Variants in RBMS2 observed in about 807,000 individuals in gnomAD.
RBMS2 encodes RNA-binding motif, single-stranded-interacting protein 2.
Under a neutral mutation model 58.4 loss-of-function variants are expected in RBMS2, and 38 were observed. The observed-to-expected ratio is 0.65, with a 90% CI of 0.50 to 0.85. RBMS2 has a LOEUF of 0.85. Ranked by LOEUF, RBMS2 falls within the 40% of genes least tolerant of loss-of-function variation. The probability of loss-of-function intolerance (pLI) is 0.00; values close to 1 mark genes in which losing one functional copy is unlikely to be tolerated. For missense variants in RBMS2, 367 were observed against 503.7 expected (o/e 0.73, Z 2.60); for synonymous variants, 151 against 180.7 (o/e 0.84, Z 1.32).
chr12:56,544,081 G>C (rs1876680540), intron 1 of RBMS2, among the ~76,000 whole-genome samples: 1 of 150,996 alleles, frequency 6.6e-6, no homozygotes, highest in African/African-American at 2.4e-5. Context: ...TTCGAGACCA[G>C]CCTGACCAAC....
intron 1 of RBMS2, among the ~76,000 whole-genome samples, chr12:56,538,190 G>A (rs1000073017): frequency 6.6e-6 from 1 of 151,586 alleles, no homozygotes; most frequent in African/African-American, 2.4e-5. Context: ...GCACCACCAT[G>A]CCCAGCTAAT....
chr12:56,521,493 T>A, upstream of RBMS2, among the ~76,000 whole-genome samples: 1 of 135,566 alleles, frequency 7.4e-6, no homozygotes, highest in African/African-American at 2.7e-5. Flanking sequence ...TCTCACACAC[T>A]CTAACTCTGT....
chr12:56,579,509 TGTA>T (rs905185937), intron 5 of RBMS2, among the ~76,000 whole-genome samples: 3 of 151,786 alleles, frequency 2.0e-5, no homozygotes, highest in African/African-American at 7.3e-5. Flanking sequence ...GGCGGGCACC[TGTA>T]GTCCCAGCTT....
chr12:56,535,548 C>T (rs760906252), intron 1 of RBMS2, among the ~76,000 whole-genome samples: 3 of 151,880 alleles, frequency 2.0e-5, no homozygotes, highest in Admixed American at 6.6e-5. Context: ...GAATAGCACC[C>T]GTATGACGGA....
Position 56,569,921 on chromosome 12 carries a change from C to T in RBMS2, c.315C>T (p.Asp105=), listed in dbSNP as rs1198828794. The T allele has an allele frequency of 6.2e-7, 1 of 1,613,750 alleles. No homozygotes were observed. Residue 105 remains aspartate, a synonymous_variant, in exon 4 of 14, where the codon GAC becomes GAT. Transcript: ENST00000262031. ...KCKGYGFVDF[D]SPSAAQKAVT... ...CAGGCTATGGCTTTGTAGATTTTGA[C>T]AGCCCTTCAGCAGCACAGAAAGCTG...
intron 1 of RBMS2, among the ~76,000 whole-genome samples, chr12:56,538,791 A>C (rs1875503529): frequency 6.6e-6 from 1 of 152,124 alleles, no homozygotes; most frequent in East Asian, 1.9e-4. Context: ...TGATATCTTA[A>C]CAATGTTAAT....
chr12:56,578,321 G>A (rs1046502877), intron 5 of RBMS2, among the ~76,000 whole-genome samples: 2 of 151,870 alleles, frequency 1.3e-5, no homozygotes, highest in Admixed American at 6.6e-5. Context: ...TAGAGACAGG[G>A]TTTCACCCAG....
intron 1 of RBMS2, among the ~76,000 whole-genome samples, chr12:56,544,174 G>T (rs529139729): frequency 3.9e-5 from 6 of 152,136 alleles, no homozygotes; most frequent in African/African-American, 1.4e-4. Context: ...TACTCAGGAG[G>T]CTGAGGCAGG....
chr12:56,547,085 C>T (rs1156787503), intron 1 of RBMS2, among the ~76,000 whole-genome samples: 2 of 152,050 alleles, frequency 1.3e-5, no homozygotes, highest in East Asian at 3.9e-4. Flanking sequence ...TGCGGTGGCT[C>T]ACACCTGTAA....
At chr12:56,556,376 CTT>C (rs778701977) in intron 1 of RBMS2, among the ~76,000 whole-genome samples, 48 of 139,972 alleles carry the variant, frequency 3.4e-4, no homozygotes, top group Admixed American at 6.5e-4. Flanking sequence ...TGTCTTTTAG[CTT>C]TTTTTTTTTT....
At chr12:56,559,669 G>A (rs1301615132) in intron 1 of RBMS2, among the ~76,000 whole-genome samples, 3 of 148,730 alleles carry the variant, frequency 2.0e-5, no homozygotes, top group Non-Finnish European at 3.0e-5. Flanking sequence ...GGCTAACACG[G>A]TGAAACTCCG....
intron 4 of RBMS2, 147 bp downstream of exon 4, chr12:56,570,137 C>T (rs1882046389): frequency 7.8e-6 from 5 of 644,356 alleles, no homozygotes. Flanking sequence ...CCATGAGCAC[C>T]CCTGGCTGCT....
chr12:56,589,124 C>T lies in RBMS2; in HGVS notation c.*7-16C>T, dbSNP rs1885101572. The T allele has an allele frequency of 6.4e-7, 1 of 1,573,036 alleles. No homozygotes were observed. The highest frequency in any genetic ancestry group is 1.4e-5 in the African/African-American group (1 of 73,924). On this transcript the variant is annotated splice_polypyrimidine_tract_variant and intron_variant, in intron 13 of 13. Coordinates refer to ENST00000262031, the MANE Select transcript of RBMS2 (RefSeq NM_002898.4). ...CATGTTTGTCTTGTCTCCTCTCTGG[C>T]TTGTGCCTTCTTTAGGATTCCCCTC...
At chr12:56,572,288 CAAA>C (rs34385329) in intron 5 of RBMS2, among the ~76,000 whole-genome samples, 1,456 of 73,046 alleles carry the variant, frequency 0.02, 18 homozygotes, top group African/African-American at 0.064. Flanking sequence ...GACTCTGTCT[CAAA>C]AAAAAAAAAA....
chr12:56,531,159 G>A (rs1217765862), intron 1 of RBMS2, among the ~76,000 whole-genome samples: 1 of 151,972 alleles, frequency 6.6e-6, no homozygotes, highest in Non-Finnish European at 1.5e-5. Flanking sequence ...AATCATTTAG[G>A]TAATTGTCTT....
chr12:56,572,421 G>A (rs1044105521), intron 5 of RBMS2, among the ~76,000 whole-genome samples: 1 of 151,742 alleles, frequency 6.6e-6, no homozygotes, highest in Non-Finnish European at 1.5e-5. Flanking sequence ...GAACATCTGG[G>A]CTCAAGTGAT....
At chr12:56,567,085 G>T (rs538545338) in intron 2 of RBMS2, among the ~76,000 whole-genome samples, 1 of 151,854 alleles carries the variant, frequency 6.6e-6, no homozygotes, top group Non-Finnish European at 1.5e-5. Flanking sequence ...ATTTTTACTG[G>T]ACAAAAATCT....
intron 1 of RBMS2, among the ~76,000 whole-genome samples, chr12:56,526,328 A>T (rs1230021988): frequency 1.3e-5 from 2 of 151,922 alleles, no homozygotes; most frequent in Admixed American, 6.6e-5. Flanking sequence ...AATAAATAAA[A>T]TAAAATAAAA....
chr12:56,589,497 G>T lies in RBMS2; in HGVS notation c.*364G>T. ...TTCTCATCTATATGAAAAAGTTTTCGATGTATTGGAATTATTTGGGAATGC... is the reference window on the plus strand; with the variant it reads ...TTCTCATCTATATGAAAAAGTTTTCTATGTATTGGAATTATTTGGGAATGC... On this transcript the variant is annotated 3_prime_UTR_variant, in exon 14 of 14. Transcript: ENST00000262031. The T allele has an allele frequency of 4.3e-6, 1 of 233,230 alleles. No homozygotes were observed. The highest frequency in any genetic ancestry group is 1.3e-4 in the East Asian group (1 of 7,616). The allele number at this position is 233,230 out of a possible 1,614,324, so 14.4% of individuals were successfully genotyped here.
Sources: gnomAD v4.1 joint callset for allele counts (sites outside exome capture counted in the v4.1 genomes callset) on GRCh38, gnomAD v4.1.1 for gene constraint, MANE v1.5 for transcripts, NCBI Gene and HGNC (gene_info 2026-07-23, HGNC 2026-07-21) for gene names.